Variants in CADM3 observed in about 807,000 individuals in gnomAD.
The protein encoded by CADM3 is TSLC1-like 1.
Under a neutral mutation model 44.9 loss-of-function variants are expected in CADM3, and 11 were observed. The observed-to-expected ratio is 0.25, with a 90% CI of 0.15 to 0.41. The LOEUF (loss-of-function observed/expected upper bound fraction) is 0.41. Ranked by LOEUF, CADM3 falls within the 10% of genes least tolerant of loss-of-function variation. The pLI, the probability that CADM3 is intolerant of heterozygous loss-of-function variation, is 1.00. For synonymous variants in CADM3, 207 were observed against 205.2 expected, an observed-to-expected ratio of 1.01 and a Z score of -0.08; for missense variants, 426 against 512.0, an observed-to-expected ratio of 0.83 and a Z score of 1.62.
At chr1:159,188,497 T>C (rs998145318) in intron 1 of CADM3, among the ~76,000 whole-genome samples, 1 of 151,360 alleles carries the variant, frequency 6.6e-6, no homozygotes, top group African/African-American at 2.4e-5. Flanking sequence ...TCCCCTCTCC[T>C]CCCCCACCTG....
chr1:159,192,697 G>C lies in CADM3; in HGVS notation c.349G>C (p.Val117Leu). The C allele has an allele frequency of 6.2e-7, 1 of 1,614,004 alleles. No homozygotes were observed. The highest frequency in any genetic ancestry group is 1.1e-5 in the South Asian group (1 of 91,056). The change falls in exon 3 of 9, where the codon GTG becomes CTG. Residue 117 changes from valine (V) to leucine (L), a missense_variant. Coordinates refer to ENST00000368125, the MANE Select transcript of CADM3 (RefSeq NM_001127173.3). Reference protein sequence around the residue: ...EYTCSIFTMPVRTAKSLVTVL... With the variant: ...EYTCSIFTMPLRTAKSLVTVL... ...CACCTGCTCAATCTTCACTATGCCT[G>C]TGCGAACTGCCAAGTCCCTCGTCAC... is the stretch of plus-strand genomic sequence containing the variant.
chr1:159,200,762 G>A (rs1307740555), intron 8 of CADM3, 42 bp from the exon 9 acceptor site: 1 of 1,458,998 alleles, frequency 6.9e-7, no homozygotes, highest in Non-Finnish European at 9.3e-7. Flanking sequence ...CTCAGAGGTT[G>A]GGAAGCTGCT....
At chr1:159,187,003 C>G (rs1315135274) in intron 1 of CADM3, among the ~76,000 whole-genome samples, 1 of 152,162 alleles carries the variant, frequency 6.6e-6, no homozygotes, top group African/African-American at 2.4e-5. Flanking sequence ...CACTATTTCA[C>G]TTATTCATCC....
chr1:159,175,427 T>C (rs1320111963), intron 1 of CADM3, among the ~76,000 whole-genome samples: 1 of 152,252 alleles, frequency 6.6e-6, no homozygotes, highest in African/African-American at 2.4e-5. Flanking sequence ...TCCATAGATC[T>C]GGATAGCACT....
rs758076750 is a variant in CADM3 at position 159,193,586 on chromosome 1, C to T, written c.520+26C>T. 23 of 1,613,912 alleles carry T rather than the reference C, an allele frequency of 1.4e-5. No homozygotes were observed. In the Admixed American group the frequency reaches 1.5e-4, roughly 11 times the overall value. ...GTGAGTACCTCCTGCCTTGGGGTTA[C>T]AGGAGAAAGTGGTGCTGGAAAGAGA... On this transcript the variant is annotated intron_variant, in intron 4 of 8. Coordinates refer to ENST00000368125, the MANE Select transcript of CADM3 (RefSeq NM_001127173.3).
Position 159,201,579 on chromosome 1 carries a change from C to T in CADM3, c.*657C>T, listed in dbSNP as rs770428914. 2.0e-5 allele frequency: 3 copies of T among 152,324 alleles called. No homozygotes were observed. The highest frequency in any genetic ancestry group is 4.4e-5 in the Non-Finnish European group (3 of 68,134). The allele number at this position is 152,324 out of a possible 1,614,324, so 9.4% of individuals were successfully genotyped here. ...ATGTGGCCTGCAGACAACATGCAGC[C>T]ATGCAGGGACCCAGGACTGTAACCT... On this transcript the variant is annotated 3_prime_UTR_variant, in exon 9 of 9. Coordinates refer to ENST00000368125, the MANE Select transcript of CADM3 (RefSeq NM_001127173.3).
chr1:159,199,854 C>G lies in CADM3; in HGVS notation c.1056C>G (p.Gly352=). The G allele has an allele frequency of 6.2e-7, 1 of 1,613,936 alleles. No homozygotes were observed. The highest frequency in any genetic ancestry group is 8.5e-7 in the Non-Finnish European group (1 of 1,179,992). Residue 352 remains glycine (G), a synonymous_variant, in exon 8 of 9, where the codon GGC becomes GGG. Coordinates refer to ENST00000368125, the MANE Select transcript of CADM3 (RefSeq NM_001127173.3). ...FLLLIMLIFL[G]HYLIRHKGTY... ...TGCTCATCATGCTCATCTTCCTTGG[C>G]CACTACTTGATCCGGCACAAAGGTC...
chr1:159,200,518 GCACACACACACACACACA>G (rs56164429), intron 8 of CADM3, among the ~76,000 whole-genome samples: 2 of 151,002 alleles, frequency 1.3e-5, no homozygotes, highest in African/African-American at 2.4e-5. Context: ...ATGCGTGCAA[GCACACACACACACACACA>G]CACACACACA....
chr1:159,192,360 G>A (rs532111210), intron 2 of CADM3, among the ~76,000 whole-genome samples: 2 of 152,204 alleles, frequency 1.3e-5, no homozygotes, highest in Non-Finnish European at 2.9e-5. Flanking sequence ...TGAAGCTCAC[G>A]AAATCCAAAC....
Position 159,193,571 on chromosome 1 carries a change from C to T in CADM3, c.520+11C>T. On this transcript the variant is annotated intron_variant, in intron 4 of 8. Coordinates refer to ENST00000368125, the MANE Select transcript of CADM3 (RefSeq NM_001127173.3). ...ACCAAGAACTCCACGGTGAGTACCTCCTGCCTTGGGGTTACAGGAGAAAGT... is the reference window on the plus strand; with the variant it reads ...ACCAAGAACTCCACGGTGAGTACCTTCTGCCTTGGGGTTACAGGAGAAAGT... 6.2e-7 allele frequency: 1 copy of T among 1,614,128 alleles called. No individual in the cohort carries two copies. The highest frequency in any genetic ancestry group is 8.5e-7 in the Non-Finnish European group (1 of 1,180,010).
At chr1:159,174,349 T>C (rs1406105057) in intron 1 of CADM3, among the ~76,000 whole-genome samples, 1 of 152,200 alleles carries the variant, frequency 6.6e-6, no homozygotes, top group African/African-American at 2.4e-5. Context: ...CACACAATCA[T>C]GGACATGTGT....
intron 6 of CADM3, 120 bp from the exon 7 acceptor site, chr1:159,196,771 G>A (rs542431945): frequency 2.3e-5 from 24 of 1,033,848 alleles, no homozygotes; most frequent in Middle Eastern, 6.5e-4. Flanking sequence ...CTCTGGCCCC[G>A]ATAATTTCTC....
intron 1 of CADM3, 138 bp from the exon 2 acceptor site, chr1:159,191,798 T>C: frequency 1.0e-6 from 1 of 954,166 alleles, no homozygotes; most frequent in Non-Finnish European, 1.6e-6. Context: ...CCTTCCCCCA[T>C]GAAACCTTAC....
intron 8 of CADM3, 24 bp downstream of exon 8, chr1:159,199,900 A>G (rs368971267): frequency 6.2e-7 from 1 of 1,611,714 alleles, no homozygotes; most frequent in African/African-American, 1.3e-5. Flanking sequence ...AGAGAGCATC[A>G]GCAGAACTTG....
chr1:159,174,648 C>CA (rs1411953222), intron 1 of CADM3, among the ~76,000 whole-genome samples: 3 of 152,220 alleles, frequency 2.0e-5, no homozygotes, highest in African/African-American at 7.2e-5. Flanking sequence ...AGAGGGCAAG[C>CA]AGCTGATAAC....
At position 159,201,589 on chromosome 1, in the gene CADM3, C is replaced by T. The variant is rs1300432651; in HGVS notation, c.*667C>T. ...CAGACAACATGCAGCCATGCAGGGACCCAGGACTGTAACCTGGGGAGGACG... is the reference window on the plus strand; with the variant it reads ...CAGACAACATGCAGCCATGCAGGGATCCAGGACTGTAACCTGGGGAGGACG... On this transcript the variant is annotated 3_prime_UTR_variant, in exon 9 of 9. Transcript: ENST00000368125. The T allele has an allele frequency of 6.6e-6, 1 of 152,280 alleles. No homozygotes were observed. The highest frequency in any genetic ancestry group is 1.5e-5 in the Non-Finnish European group (1 of 68,130). 9.4% of individuals were successfully genotyped at this position (152,280 alleles called of 1,614,324 possible).
intron 5 of CADM3, chr1:159,194,299 A>G (rs992988880): frequency 1.1e-5 from 4 of 364,432 alleles, no homozygotes; most frequent in Non-Finnish European, 2.0e-5. Flanking sequence ...GCAGTCATAG[A>G]CAATATGTAA....
chr1:159,199,702 G>A, intron 7 of CADM3, 49 bp from the exon 8 acceptor site: 2 of 1,613,810 alleles, frequency 1.2e-6, no homozygotes, highest in Non-Finnish European at 1.7e-6. Context: ...AATGCTATAA[G>A]ATAAGGGCTC....
At chr1:159,173,844 A>C (rs1648918228) in intron 1 of CADM3, among the ~76,000 whole-genome samples, 1 of 152,214 alleles carries the variant, frequency 6.6e-6, no homozygotes. Flanking sequence ...GTAAAAAAAA[A>C]CTATAGACTA....
Sources: gnomAD v4.1 joint callset for allele counts (sites outside exome capture counted in the v4.1 genomes callset) on GRCh38, gnomAD v4.1.1 for gene constraint, MANE v1.5 for transcripts, NCBI Gene and HGNC (gene_info 2026-07-23, HGNC 2026-07-21) for gene names.